The following NMT1 variants were observed in gnomAD, a reference collection of about 807,000 sequenced individuals.
NMT1 encodes the protein glycylpeptide N-tetradecanoyltransferase 1.
A neutral mutation model predicts 63.4 loss-of-function variants in NMT1; 12 were observed. The observed-to-expected ratio is 0.19, with a 90% CI of 0.12 to 0.31. The LOEUF (loss-of-function observed/expected upper bound fraction) is 0.31. NMT1 is among the 10% of genes least tolerant of loss of function. The pLI, the probability that NMT1 is intolerant of heterozygous loss-of-function variation, is 1.00. For missense variants in NMT1, 432 were observed against 634.6 expected, an observed-to-expected ratio of 0.68 and a Z score of 3.43; for synonymous variants, 228 against 234.3, an observed-to-expected ratio of 0.97 and a Z score of 0.25.
rs896783911 is a variant in NMT1, at chr17:45,085,205, A to G, written c.241-1303A>G. On this transcript the variant is annotated intron_variant, in intron 2 of 11. Coordinates refer to ENST00000258960, the MANE Select transcript of NMT1 (RefSeq NM_021079.5). ...GAGGTTGAAGCCGCAGTAAGCCATG[A>G]TTGTGCCACTGCACTCCAGCCTGGG... Among the ~76,000 whole-genome samples the G allele has an allele frequency of 9.9e-5, 15 of 152,232 alleles. 4 individuals are homozygous for G. The highest frequency in any genetic ancestry group is 7.9e-4 in the Admixed American group (12 of 15,270).
intron 1 of NMT1, among the ~76,000 whole-genome samples, chr17:45,063,182 G>C (rs528724506): frequency 3.9e-4 from 56 of 144,784 alleles, no homozygotes; most frequent in African/African-American, 1.2e-3. Flanking sequence ...TCCAGCCTGG[G>C]CGACAGAGCG....
intron 3 of NMT1, among the ~76,000 whole-genome samples, chr17:45,090,548 G>A (rs1598013565): frequency 1.3e-5 from 2 of 152,114 alleles, no homozygotes; most frequent in Admixed American, 1.3e-4. Flanking sequence ...GTTTCCATGG[G>A]TCCCAGAGAG....
chr17:45,092,339 G>C (rs1303047305), intron 3 of NMT1, among the ~76,000 whole-genome samples: 1 of 152,132 alleles, frequency 6.6e-6, no homozygotes, highest in African/African-American at 2.4e-5. Context: ...AGTGCCAGCG[G>C]TGGTGTCGTG....
chr17:45,101,162 C>T (rs1389981366), intron 8 of NMT1, among the ~76,000 whole-genome samples: 2 of 151,382 alleles, frequency 1.3e-5, no homozygotes, highest in Non-Finnish European at 2.9e-5. Flanking sequence ...CCAGCCTGGC[C>T]CACAGAGCGA....
chr17:45,069,738 A>G (rs1334640383), intron 1 of NMT1, among the ~76,000 whole-genome samples: 2 of 152,124 alleles, frequency 1.3e-5, no homozygotes, highest in Non-Finnish European at 2.9e-5. Context: ...TGTGAATCCT[A>G]TCTTTGGCTC....
At chr17:45,067,798 A>AAGAGAAGCT (rs2053912509) in intron 1 of NMT1, among the ~76,000 whole-genome samples, 1 of 152,242 alleles carries the variant, frequency 6.6e-6, no homozygotes, top group Non-Finnish European at 1.5e-5. Flanking sequence ...AAAGAAACTA[A>AAGAGAAGCT]TCAAGAGCTG....
intron 8 of NMT1, among the ~76,000 whole-genome samples, chr17:45,100,598 A>T (rs2054155465): frequency 6.7e-6 from 1 of 150,370 alleles, no homozygotes; most frequent in African/African-American, 2.5e-5. Context: ...GTGGTGGCTC[A>T]CGCCTGTAAT....
intron 7 of NMT1, 46 bp downstream of exon 7, chr17:45,098,598 C>T (rs776844227): frequency 1.3e-6 from 2 of 1,572,568 alleles, no homozygotes. Flanking sequence ...GGTGTCTGCA[C>T]TGTAGTTGAG....
intron 2 of NMT1, among the ~76,000 whole-genome samples, chr17:45,086,124 C>CTTTT (rs758394346): frequency 0.039 from 4,630 of 117,404 alleles, 163 homozygotes; most frequent in Non-Finnish European, 0.062. Flanking sequence ...GCCCAGCACT[C>CTTTT]TTTTTTTTTT....
At chr17:45,096,141 T>C in intron 4 of NMT1, 53 bp from the exon 5 acceptor site, 1 of 1,338,738 alleles carries the variant, frequency 7.5e-7, no homozygotes, top group South Asian at 1.2e-5. Context: ...GGTATTGGAG[T>C]TGGTCTACTA....
At chr17:45,064,257 C>A (rs1476197042) in intron 1 of NMT1, among the ~76,000 whole-genome samples, 2 of 152,118 alleles carry the variant, frequency 1.3e-5, no homozygotes, top group Non-Finnish European at 2.9e-5. Flanking sequence ...TGACAGTTTG[C>A]AGTGGTGTCT....
In NMT1 at chr17:45,105,593, C is replaced by G; in HGVS notation, c.1471-26C>G. The G allele has an allele frequency of 2.5e-6, 4 of 1,613,082 alleles. No individual in the cohort carries two copies. In the South Asian group the frequency reaches 4.4e-5, roughly 18 times the overall value. The stretch of plus-strand genomic sequence containing the variant: ...TCTTTGGGCCACTGTCAACTCAGCT[C>G]TGCCTCTCCCTGTTGGCTTTCCTAG... On this transcript the variant is annotated intron_variant, in intron 11 of 11. Transcript: ENST00000258960. This position sits in a 1 kb window ranked among gnomAD's most constrained non-coding sequence, Gnocchi z 4.2.
intron 3 of NMT1, among the ~76,000 whole-genome samples, chr17:45,090,972 A>T (rs2054083706): frequency 6.6e-6 from 1 of 151,966 alleles, no homozygotes; most frequent in Non-Finnish European, 1.5e-5. Context: ...TGCTGGCACC[A>T]CACCGAGGAC....
At chr17:45,068,982 A>G (rs182044518) in intron 1 of NMT1, among the ~76,000 whole-genome samples, 39 of 112,434 alleles carry the variant, frequency 3.5e-4, no homozygotes, top group Admixed American at 7.4e-4. Flanking sequence ...TTTTTTTGAG[A>G]CAGAGTCTCA....
intron 6 of NMT1, among the ~76,000 whole-genome samples, chr17:45,097,687 C>T (rs117634942): frequency 0.016 from 2,409 of 152,192 alleles, 54 homozygotes; most frequent in South Asian, 0.07. Flanking sequence ...CTCTGTTGCC[C>T]GGGCTGGAGT....
chr17:45,086,939 G>A (rs1737797790), intron 3 of NMT1, among the ~76,000 whole-genome samples: 2 of 151,382 alleles, frequency 1.3e-5, no homozygotes, highest in African/African-American at 4.9e-5. Flanking sequence ...TGGGAGGATT[G>A]TTTGAGCCCA....
At chr17:45,085,600 C>G (rs2054046747) in intron 2 of NMT1, among the ~76,000 whole-genome samples, 1 of 152,028 alleles carries the variant, frequency 6.6e-6, no homozygotes. Context: ...TGGGTGTTTA[C>G]TTTCTATGTG....
chr17:45,080,980 C>T (rs1415410175), intron 1 of NMT1, among the ~76,000 whole-genome samples: 1 of 152,000 alleles, frequency 6.6e-6, no homozygotes, highest in Non-Finnish European at 1.5e-5. Context: ...GTTGGCCAGT[C>T]TGGCCTTAAA....
intron 4 of NMT1, 53 bp from the exon 5 acceptor site, chr17:45,096,141 T>G: frequency 3.0e-6 from 4 of 1,338,738 alleles, no homozygotes; most frequent in South Asian, 1.2e-5. Flanking sequence ...GGTATTGGAG[T>G]TGGTCTACTA....
Sources: allele counts gnomAD v4.1 joint callset (sites outside exome capture counted in the v4.1 genomes callset), GRCh38; gene constraint gnomAD v4.1.1; non-coding constraint Gnocchi (gnomAD v3.1); transcripts MANE v1.5; gene names NCBI Gene and HGNC (gene_info 2026-07-23, HGNC 2026-07-21).